The following FBXL7 variants were observed in gnomAD, a reference collection of about 807,000 sequenced individuals.
FBXL7 encodes F-box and leucine rich repeat protein 7.
Under a neutral mutation model 38.3 loss-of-function variants are expected in FBXL7, and 12 were observed. The observed-to-expected ratio is 0.31, with a 90% CI of 0.20 to 0.51. The LOEUF is 0.51. Among genes scored for constraint, FBXL7 ranks in the 20% least tolerant of loss-of-function variants. The probability of loss-of-function intolerance (pLI) is 0.98; values close to 1 mark genes in which losing one functional copy is unlikely to be tolerated. For synonymous variants in FBXL7, 297 were observed against 300.9 expected, an observed-to-expected ratio of 0.99 and a Z score of 0.13; for missense variants, 567 against 676.4, an observed-to-expected ratio of 0.84 and a Z score of 1.79.
At chr5:15,835,138 C>T (rs1436980459) in intron 2 of FBXL7, among the ~76,000 whole-genome samples, 2 of 152,166 alleles carry the variant, frequency 1.3e-5, no homozygotes, top group African/African-American at 2.4e-5. Flanking sequence ...TGAATCATTG[C>T]TCTGCCCTTT....
At chr5:15,649,826 T>A (rs1038749919) in intron 2 of FBXL7, among the ~76,000 whole-genome samples, 3 of 152,182 alleles carry the variant, frequency 2.0e-5, no homozygotes, top group African/African-American at 7.2e-5. Flanking sequence ...TCTAATTTCT[T>A]TGACTTTGGT....
At chr5:15,843,660 T>A (rs1382716481) in intron 2 of FBXL7, among the ~76,000 whole-genome samples, 3 of 152,178 alleles carry the variant, frequency 2.0e-5, no homozygotes, top group Non-Finnish European at 4.4e-5. Flanking sequence ...CTAAAATTTC[T>A]AAGAATTTGA....
At chr5:15,836,900 A>G (rs1738606577) in intron 2 of FBXL7, among the ~76,000 whole-genome samples, 1 of 152,142 alleles carries the variant, frequency 6.6e-6, no homozygotes, top group Non-Finnish European at 1.5e-5. Flanking sequence ...CTGTGTCGTC[A>G]CCCTTTCTCC....
At chr5:15,637,515 C>T (rs1306671851) in intron 2 of FBXL7, among the ~76,000 whole-genome samples, 4 of 152,226 alleles carry the variant, frequency 2.6e-5, no homozygotes, top group Non-Finnish European at 4.4e-5. Flanking sequence ...CAGAGCAGCA[C>T]AAACAACTGT....
At chr5:15,789,086 G>A (rs1020636400) in intron 2 of FBXL7, among the ~76,000 whole-genome samples, 7 of 151,906 alleles carry the variant, frequency 4.6e-5, no homozygotes, top group Admixed American at 3.9e-4. Context: ...TCCTGACCTC[G>A]TGAACCACCC....
At chr5:15,532,535 A>G (rs941367448) in intron 1 of FBXL7, among the ~76,000 whole-genome samples, 1 of 152,220 alleles carries the variant, frequency 6.6e-6, no homozygotes, top group Non-Finnish European at 1.5e-5. Context: ...AAGGTAAAAC[A>G]ATTTAATTAA....
At chr5:15,749,136 T>G (rs1018808355) in intron 2 of FBXL7, among the ~76,000 whole-genome samples, 2 of 150,682 alleles carry the variant, frequency 1.3e-5, no homozygotes, top group Non-Finnish European at 2.9e-5. Context: ...TCCCAGCTAC[T>G]TGGGAGGCTG....
chr5:15,553,451 C>G (rs1738144050), intron 1 of FBXL7, among the ~76,000 whole-genome samples: 1 of 152,114 alleles, frequency 6.6e-6, no homozygotes, highest in African/African-American at 2.4e-5. Flanking sequence ...TACATTTATT[C>G]TTAGGATTAA....
intron 1 of FBXL7, among the ~76,000 whole-genome samples, chr5:15,515,322 T>A (rs1207779735): frequency 6.6e-6 from 1 of 152,206 alleles, no homozygotes; most frequent in Non-Finnish European, 1.5e-5. Flanking sequence ...CAATAGCACA[T>A]AGCTAGCTGG....
intron 1 of FBXL7, among the ~76,000 whole-genome samples, chr5:15,515,714 T>C (rs1298756987): frequency 6.6e-6 from 1 of 152,192 alleles, no homozygotes; most frequent in Non-Finnish European, 1.5e-5. Context: ...ATGCAATGCT[T>C]ATTAAACGAG....
At chr5:15,557,856 C>T (rs1038060049) in intron 1 of FBXL7, among the ~76,000 whole-genome samples, 1 of 152,150 alleles carries the variant, frequency 6.6e-6, no homozygotes. Flanking sequence ...GTGAAAAGTG[C>T]TTGTATTTAA....
At chr5:15,707,174 GTTTTT>G (rs71603796) in intron 2 of FBXL7, among the ~76,000 whole-genome samples, 1 of 70,400 alleles carries the variant, frequency 1.4e-5, no homozygotes, top group Admixed American at 2.3e-4. Context: ...TTTTCTTTTC[GTTTTT>G]TTTTTTTTTT....
chr5:15,755,121 C>G (rs544374099), intron 2 of FBXL7, among the ~76,000 whole-genome samples: 7 of 152,172 alleles, frequency 4.6e-5, no homozygotes, highest in Admixed American at 1.3e-4. Flanking sequence ...AACCTCATGC[C>G]CCTCAAATTT....
chr5:15,894,470 G>A (rs1431790816), intron 2 of FBXL7, among the ~76,000 whole-genome samples: 1 of 152,170 alleles, frequency 6.6e-6, no homozygotes, highest in Admixed American at 6.5e-5. Flanking sequence ...CCTGATGGAA[G>A]CACAAACAGT....
At chr5:15,816,907 A>G (rs1738030298) in intron 2 of FBXL7, among the ~76,000 whole-genome samples, 1 of 152,166 alleles carries the variant, frequency 6.6e-6, no homozygotes, top group Non-Finnish European at 1.5e-5. Context: ...AAACAAATCC[A>G]CTTTTGTTAA....
chr5:15,570,890 C>T (rs575642593), intron 1 of FBXL7, among the ~76,000 whole-genome samples: 6 of 152,110 alleles, frequency 3.9e-5, no homozygotes, highest in South Asian at 4.2e-4. Context: ...GTCGGGAGTT[C>T]GAGACCAGGC....
chr5:15,829,940 A>C (rs1237883473), intron 2 of FBXL7, among the ~76,000 whole-genome samples: 1 of 152,198 alleles, frequency 6.6e-6, no homozygotes, highest in Non-Finnish European at 1.5e-5. Context: ...ATTTAAAATA[A>C]AACTGAAATC....
At chr5:15,773,586 C>G (rs1474667121) in intron 2 of FBXL7, among the ~76,000 whole-genome samples, 1 of 152,054 alleles carries the variant, frequency 6.6e-6, no homozygotes, top group African/African-American at 2.4e-5. Flanking sequence ...AAGTTTGAGG[C>G]TACAGTGATT....
chr5:15,536,498 C>A (rs1737588760), intron 1 of FBXL7, among the ~76,000 whole-genome samples: 1 of 152,198 alleles, frequency 6.6e-6, no homozygotes, highest in African/African-American at 2.4e-5. Flanking sequence ...GGATGTGAGA[C>A]ATGGAGTCAA....
Sources: allele counts gnomAD v4.1 joint callset (sites outside exome capture counted in the v4.1 genomes callset), GRCh38; gene constraint gnomAD v4.1.1; transcripts MANE v1.5; gene names NCBI Gene and HGNC (gene_info 2026-07-23, HGNC 2026-07-21).